The following ALPK2 variants were observed in gnomAD, a reference collection of about 807,000 sequenced individuals.
ALPK2 encodes the protein alpha kinase 2.
In ALPK2, 127 loss-of-function variants were observed where a neutral mutation model predicts 163.1. The observed-to-expected ratio is 0.78, with a 90% CI of 0.67 to 0.90. The LOEUF is 0.90. Ranked by LOEUF, ALPK2 falls within the 40% of genes least tolerant of loss-of-function variation. The pLI, the probability that ALPK2 is intolerant of heterozygous loss-of-function variation, is 0.00. For synonymous variants in ALPK2, 953 were observed against 959.1 expected (o/e 0.99, Z 0.12); for missense variants, 2,360 against 2,589.6 (o/e 0.91, Z 1.92).
In ALPK2 at chr18:58,538,185, T is replaced by C; in HGVS notation, c.2002A>G (p.Ser668Gly). ...GGCTCTGAGAAAGCTGGCATCTGGCTGCAAGAGATTGTCTCTCTGACTGTT... is the reference window on the plus strand; with the variant it reads ...GGCTCTGAGAAAGCTGGCATCTGGCCGCAAGAGATTGTCTCTCTGACTGTT... ...QETVRETISC[S>G]QMPAFSEPAG... The change falls in exon 5 of 13, where the codon AGC (serine) becomes GGC (glycine). Residue 668 changes from serine to glycine, a missense_variant. By Grantham distance (56) the Ser-to-Gly change is moderately conservative. Transcript: ENST00000361673. The C allele has an allele frequency of 1.9e-6, 3 of 1,612,702 alleles. No individual in the cohort carries two copies. The highest frequency in any genetic ancestry group is 2.5e-6 in the Non-Finnish European group (3 of 1,180,008).
intron 10 of ALPK2, among the ~76,000 whole-genome samples, chr18:58,513,085 G>A (rs1033731993): frequency 4.7e-5 from 7 of 148,210 alleles, no homozygotes; most frequent in Non-Finnish European, 7.5e-5. Flanking sequence ...GTGTTTGTGT[G>A]TGGTGTGTGT....
chr18:58,584,455 G>T (rs1029248790), intron 3 of ALPK2, among the ~76,000 whole-genome samples: 2 of 152,230 alleles, frequency 1.3e-5, no homozygotes, highest in African/African-American at 4.8e-5. Context: ...CATAGAGCCG[G>T]GATAAGAAAG....
chr18:58,576,455 T>C (rs547074902), intron 4 of ALPK2, among the ~76,000 whole-genome samples: 2 of 152,312 alleles, frequency 1.3e-5, no homozygotes, highest in Non-Finnish European at 2.9e-5. Context: ...AATTTTTAGG[T>C]CCCCATAAAC....
intron 9 of ALPK2, among the ~76,000 whole-genome samples, chr18:58,515,611 G>A (rs1347054813): frequency 6.6e-6 from 1 of 152,186 alleles, no homozygotes; most frequent in African/African-American, 2.4e-5. Flanking sequence ...TATTTGAGAT[G>A]GAGGGAATAC....
chr18:58,595,529 A>G (rs1465447295), intron 3 of ALPK2, among the ~76,000 whole-genome samples: 4 of 152,194 alleles, frequency 2.6e-5, no homozygotes, highest in African/African-American at 9.7e-5. Context: ...CCTGGGAAAC[A>G]GAATTTTGGG....
Position 58,481,803 on chromosome 18 carries a change from C to G in ALPK2, c.*20G>C. On this transcript the variant is annotated 3_prime_UTR_variant, in exon 13 of 13. Transcript: ENST00000361673. Reference sequence around the variant, plus strand: ...AGATTGTGTGCTGCTAGCCAGTGGCCATTAGGTTACCCAGGGACGTTAGGT... The same window carrying G: ...AGATTGTGTGCTGCTAGCCAGTGGCGATTAGGTTACCCAGGGACGTTAGGT... 2 of 1,594,814 alleles carry G rather than the reference C, an allele frequency of 1.3e-6. No homozygotes were observed. Among genetic ancestry groups the G allele is most frequent in the Non-Finnish European group, 1.7e-6 (2 of 1,162,990 alleles).
At chr18:58,545,369 C>T (rs1053481177) in intron 4 of ALPK2, among the ~76,000 whole-genome samples, 13 of 152,198 alleles carry the variant, frequency 8.5e-5, no homozygotes, top group Non-Finnish European at 1.9e-4. Context: ...ACCTTGGAAC[C>T]CTCTGGAGGC....
At chr18:58,542,112 C>A (rs2051692810) in intron 4 of ALPK2, among the ~76,000 whole-genome samples, 1 of 152,130 alleles carries the variant, frequency 6.6e-6, no homozygotes, top group Admixed American at 6.6e-5. Flanking sequence ...GGAGTAAGCC[C>A]AACATAGTGT....
chr18:58,487,527 C>T (rs1469986003), intron 12 of ALPK2, among the ~76,000 whole-genome samples: 1 of 152,184 alleles, frequency 6.6e-6, no homozygotes, highest in Non-Finnish European at 1.5e-5. Flanking sequence ...AGGAATCTAA[C>T]ATAATGGAAT....
chr18:58,535,594 T>C lies in ALPK2; in HGVS notation c.4593A>G (p.Lys1531=), dbSNP rs759470477. The C allele has an allele frequency of 1.2e-6, 2 of 1,614,218 alleles. No individual in the cohort carries two copies. Among genetic ancestry groups the C allele is most frequent in the Non-Finnish European group, 1.7e-6 (2 of 1,180,034 alleles). ...GTGAAGTGGGGGAAATCAATTCTGC[T>C]TTGTCCTTTTTGCTTTGCTCAGCCT... ...LGEAEQSKKD[K]AELISPTSPL... is the part of the protein sequence containing the mutation. The change falls in exon 5 of 13, where the codon AAA becomes AAG. Residue 1531 remains lysine (K), a synonymous_variant. Transcript: ENST00000361673.
At chr18:58,578,738 A>ACACGCGCGCACGTGCGCG in intron 4 of ALPK2, 76 bp downstream of exon 4, 1 of 936,582 alleles carries the variant, frequency 1.1e-6, no homozygotes, top group African/African-American at 1.7e-5. Context: ...GAAGAGACAC[A>ACACGCGCGCACGTGCGCG]CACACACACA....
At chr18:58,564,631 G>T (rs2051842273) in intron 4 of ALPK2, among the ~76,000 whole-genome samples, 1 of 149,648 alleles carries the variant, frequency 6.7e-6, no homozygotes, top group African/African-American at 2.5e-5. Context: ...CACTTTGTTT[G>T]ATATTTATTT....
rs558186590 is a variant in ALPK2, at chr18:58,523,971, C to T, written c.5593G>A (p.Gly1865Arg). ...AGGTTAAATTCAGCAGTCACTTTTC[C>T]GTAGCTGTTCTTGATGCAGCAGTAA... The part of the protein sequence containing the change: ...LYYCCIKNSY[G>R]KVTAEFNLTA... Residue 1865 changes from glycine to arginine, a missense_variant, in exon 7 of 13, where the codon GGA (glycine) becomes AGA (arginine). Transcript: ENST00000361673. 8.7e-6 allele frequency: 14 copies of T among 1,614,150 alleles called. No homozygotes were observed. Among genetic ancestry groups the T allele is most frequent in the Middle Eastern group, 1.6e-4 (1 of 6,062 alleles).
intron 11 of ALPK2, among the ~76,000 whole-genome samples, chr18:58,502,326 G>A (rs1004978336): frequency 6.6e-6 from 1 of 152,138 alleles, no homozygotes; most frequent in Non-Finnish European, 1.5e-5. Context: ...CTGCACTCCA[G>A]CCTGGGTGAC....
intron 11 of ALPK2, among the ~76,000 whole-genome samples, chr18:58,498,489 A>C (rs1214643422): frequency 6.6e-6 from 1 of 152,226 alleles, no homozygotes; most frequent in Admixed American, 6.5e-5. Context: ...TTCTTCAATG[A>C]AAGTGGAAAC....
Position 58,481,655 on chromosome 18 carries a change from G to T in ALPK2, c.*168C>A, listed in dbSNP as rs1474183600. On this transcript the variant is annotated 3_prime_UTR_variant, in exon 13 of 13. Transcript: ENST00000361673. ...CAAATCCTGTTCTGAAATCATTTGA[G>T]TGAAGACAGCAGGTGATGGGTTTAG... 4.8e-6 allele frequency: 3 copies of T among 621,176 alleles called. No homozygotes were observed. Among genetic ancestry groups the T allele is most frequent in the Non-Finnish European group, 8.7e-6 (3 of 345,576 alleles). The allele number at this position is 621,176 out of a possible 1,614,324, so 38.5% of individuals were successfully genotyped here. A position where few individuals can be genotyped will look rare whatever the true frequency, so the allele number is the denominator to read the frequency against.
At chr18:58,597,704 C>A (rs771041209) in intron 3 of ALPK2, among the ~76,000 whole-genome samples, 9 of 152,218 alleles carry the variant, frequency 5.9e-5, no homozygotes, top group Non-Finnish European at 1.2e-4. Flanking sequence ...ATAGCCAGAA[C>A]ACTTCCATAT....
intron 3 of ALPK2, among the ~76,000 whole-genome samples, chr18:58,596,621 G>GATT (rs1415714232): frequency 1.3e-5 from 2 of 152,236 alleles, no homozygotes; most frequent in East Asian, 3.8e-4. Flanking sequence ...AGGCCTGTTA[G>GATT]ATTATTCTGC....
intron 8 of ALPK2, among the ~76,000 whole-genome samples, chr18:58,521,788 G>A (rs532075306): frequency 1.5e-4 from 23 of 151,396 alleles, no homozygotes; most frequent in Middle Eastern, 3.4e-3. Context: ...CCACCATGCC[G>A]CGCTAATTTT....
Sources: gnomAD v4.1 joint callset for allele counts (sites outside exome capture counted in the v4.1 genomes callset) on GRCh38, gnomAD v4.1.1 for gene constraint, MANE v1.5 for transcripts, NCBI Gene and HGNC (gene_info 2026-07-23, HGNC 2026-07-21) for gene names.